The following SAMD12 variants were observed in gnomAD, a reference collection of about 807,000 sequenced individuals.
SAMD12 encodes sterile alpha motif domain-containing protein 12.
SAMD12 carries 9 observed loss-of-function variants against 15.0 expected under a neutral mutation model. That is an observed-to-expected ratio of 0.60 (90% CI 0.36 to 1.05). SAMD12 has a LOEUF of 1.05. Ranked by LOEUF, SAMD12 falls within the 50% of genes least tolerant of loss-of-function variation. The probability of loss-of-function intolerance (pLI) is 0.01; values close to 1 mark genes in which losing one functional copy is unlikely to be tolerated. For synonymous variants in SAMD12, 86 were observed against 90.1 expected (o/e 0.96, Z 0.25); for missense variants, 230 against 234.2 (o/e 0.98, Z 0.12).
intron 2 of SAMD12, among the ~76,000 whole-genome samples, chr8:118,513,340 T>C (rs1825139409): frequency 6.6e-6 from 1 of 152,186 alleles, no homozygotes; most frequent in South Asian, 2.1e-4. Context: ...TTGAATACAT[T>C]GATCAAGACA....
chr8:118,337,359 A>G (rs1817134812), intron 4 of SAMD12, among the ~76,000 whole-genome samples: 1 of 152,072 alleles, frequency 6.6e-6, no homozygotes, highest in South Asian at 2.1e-4. Flanking sequence ...GTATTGATTG[A>G]TTCAGACCCC....
intron 4 of SAMD12, among the ~76,000 whole-genome samples, chr8:118,348,384 T>G (rs973533273): frequency 1.3e-5 from 2 of 151,724 alleles, no homozygotes; most frequent in African/African-American, 4.8e-5. Flanking sequence ...TTACTTTTTT[T>G]TTTTGAGATG....
intron 2 of SAMD12, among the ~76,000 whole-genome samples, chr8:118,530,486 G>T (rs552071849): frequency 3.9e-4 from 59 of 152,178 alleles, no homozygotes; most frequent in Non-Finnish European, 7.9e-4. Flanking sequence ...TTCTGTTATT[G>T]TATTAGTTCA....
At chr8:118,506,788 C>T (rs1166956240) in intron 2 of SAMD12, among the ~76,000 whole-genome samples, 5 of 150,496 alleles carry the variant, frequency 3.3e-5, no homozygotes, top group Non-Finnish European at 7.4e-5. Flanking sequence ...ATAATGGCTT[C>T]TCATACTAGA....
chr8:118,171,547 C>A, the SAMD12 span, among the ~76,000 whole-genome samples: 2 of 151,826 alleles, frequency 1.3e-5, no homozygotes, highest in African/African-American at 4.8e-5. Flanking sequence ...ATGAATGAAC[C>A]CTGAAAAACA....
Position 118,572,324 on chromosome 8 carries a change from G to A in SAMD12, c.192+8391C>T, listed in dbSNP as rs117693862. On this transcript the variant is annotated intron_variant, in intron 2 of 3. Transcript: ENST00000314727. The stretch of plus-strand genomic sequence containing the variant: ...GGAAGAGACTTGCCTTGTCTGTAAT[G>A]AGACTTTGGACTGTGGACTTTTGAG... 8.2e-3 allele frequency among the ~76,000 whole-genome samples: 1,254 copies of A among 152,322 alleles called. 4 individuals are homozygous for A. Among genetic ancestry groups the A allele is most frequent in the Non-Finnish European group, 0.013 (857 of 68,032 alleles).
At chr8:118,588,656 C>T (rs1220602936) in intron 1 of SAMD12, among the ~76,000 whole-genome samples, 1 of 152,174 alleles carries the variant, frequency 6.6e-6, no homozygotes, top group Admixed American at 6.5e-5. Flanking sequence ...TATTTACTGG[C>T]TGGCTCTTTG....
At chr8:118,185,102 G>C (rs907153875), downstream of SAMD12, among the ~76,000 whole-genome samples, 1 of 151,982 alleles carries the variant, frequency 6.6e-6, no homozygotes, top group South Asian at 2.1e-4. Flanking sequence ...TTGAAAAACT[G>C]CTTCTATAAC....
intron 3 of SAMD12, among the ~76,000 whole-genome samples, chr8:118,406,856 A>C (rs1215783612): frequency 6.6e-6 from 1 of 151,028 alleles, no homozygotes; most frequent in Admixed American, 6.6e-5. Flanking sequence ...CATGTAACAG[A>C]ATTTCCTTCA....
At chr8:118,213,213 T>A (rs1484168144) in intron 4 of SAMD12, among the ~76,000 whole-genome samples, 2 of 152,184 alleles carry the variant, frequency 1.3e-5, no homozygotes, top group African/African-American at 4.8e-5. Flanking sequence ...AGATGGGGTC[T>A]TTTTTCTCCC....
chr8:118,477,829 C>A (rs7831311), intron 2 of SAMD12, among the ~76,000 whole-genome samples: 3,358 of 151,694 alleles, frequency 0.022, 118 homozygotes, highest in African/African-American at 0.077. Context: ...CTGGCTAACA[C>A]GGTGAAACCC....
At chr8:118,172,488 T>C in the SAMD12 span, among the ~76,000 whole-genome samples, 47 of 152,328 alleles carry the variant, frequency 3.1e-4, 1 homozygote, top group Middle Eastern at 0.01. Flanking sequence ...TTTGAGCAAA[T>C]TGGAGACCAT....
chr8:118,514,168 G>T (rs1366461086), intron 2 of SAMD12, among the ~76,000 whole-genome samples: 1 of 150,370 alleles, frequency 6.7e-6, no homozygotes, highest in Non-Finnish European at 1.5e-5. Context: ...CATTTAAAAT[G>T]ATTTTTTAAG....
intron 1 of SAMD12, among the ~76,000 whole-genome samples, chr8:118,607,181 C>T (rs1261741324): frequency 3.9e-5 from 6 of 152,036 alleles, no homozygotes; most frequent in African/African-American, 1.2e-4. Flanking sequence ...TTAATAGTCA[C>T]GTTTTTACAG....
At chr8:118,397,342 T>A (rs1473602645) in intron 3 of SAMD12, among the ~76,000 whole-genome samples, 1 of 151,924 alleles carries the variant, frequency 6.6e-6, no homozygotes, top group Admixed American at 6.6e-5. Context: ...ACAAGAGACA[T>A]GGAAAAAAAT....
At chr8:118,259,214 T>C (rs1421887472) in intron 4 of SAMD12, among the ~76,000 whole-genome samples, 1 of 152,116 alleles carries the variant, frequency 6.6e-6, no homozygotes, top group Non-Finnish European at 1.5e-5. Context: ...TACTCTAGCT[T>C]AACAATCCAG....
chr8:118,197,713 T>C lies in SAMD12; in HGVS notation c.453A>G (p.Pro151=), dbSNP rs768414737. 2.9e-5 allele frequency: 46 copies of C among 1,613,572 alleles called. No homozygotes were observed. In the African/African-American group the frequency reaches 4.8e-4, roughly 17 times the overall value. Residue 151 remains proline (P), a synonymous_variant, in exon 5 of 5, where the codon CCA becomes CCG. Transcript: ENST00000409003. The stretch of plus-strand genomic sequence containing the variant: ...CAGCTTGGAAGGCTAACCGTGTTTA[T>C]GGAGAACCCTCAGATGATGCTGCAA...
At chr8:118,485,063 C>T (rs1454778170) in intron 2 of SAMD12, among the ~76,000 whole-genome samples, 1 of 152,264 alleles carries the variant, frequency 6.6e-6, no homozygotes, top group East Asian at 1.9e-4. Context: ...CAGTCCCAAG[C>T]CCTGGCTTTT....
chr8:118,543,140 T>C (rs1417541562), intron 2 of SAMD12, among the ~76,000 whole-genome samples: 1 of 152,204 alleles, frequency 6.6e-6, no homozygotes, highest in African/African-American at 2.4e-5. Flanking sequence ...TCTAAGAGGA[T>C]GGGAGGAAAT....
Sources: gnomAD v4.1 joint callset for allele counts (sites outside exome capture counted in the v4.1 genomes callset) on GRCh38, gnomAD v4.1.1 for gene constraint, MANE v1.5 for transcripts, NCBI Gene and HGNC (gene_info 2026-07-23, HGNC 2026-07-21) for gene names.